Variants in UCN3 observed in about 807,000 individuals in gnomAD.
UCN3 encodes urocortin 3, also known as urocortin-3.
In UCN3, 3 loss-of-function variants were observed where a neutral mutation model predicts 3.6. That is an observed-to-expected ratio of 0.83 (90% confidence interval 0.38 to 2.15). The LOEUF (loss-of-function observed/expected upper bound fraction) is 2.15. UCN3 is among the 30% of genes most tolerant of loss of function. The pLI is 0.06. For synonymous variants in UCN3, 100 were observed against 93.2 expected (o/e 1.07, Z -0.42); for missense variants, 206 against 208.3 (o/e 0.99, Z 0.07).
chr10:5,368,612 C>G (rs901030697), intron 1 of UCN3, among the ~76,000 whole-genome samples: 1 of 152,098 alleles, frequency 6.6e-6, no homozygotes, highest in Non-Finnish European at 1.5e-5. Flanking sequence ...CCACCACTTT[C>G]CCCCCAGTAT....
intron 1 of UCN3, among the ~76,000 whole-genome samples, chr10:5,371,689 C>T (rs781972845): frequency 6.6e-6 from 1 of 152,176 alleles, no homozygotes; most frequent in Non-Finnish European, 1.5e-5. Context: ...CCAGCCCTGC[C>T]TGGCCCTGCT....
chr10:5,370,867 G>GTA (rs1157978595), intron 1 of UCN3, among the ~76,000 whole-genome samples: 2,446 of 89,524 alleles, frequency 0.027, 187 homozygotes, highest in South Asian at 0.052. Context: ...GTGTGCGTGT[G>GTA]TATGTGTGTG....
chr10:5,371,341 CAT>C (rs1417020324), intron 1 of UCN3, among the ~76,000 whole-genome samples: 1 of 150,574 alleles, frequency 6.6e-6, no homozygotes, highest in South Asian at 2.1e-4. Flanking sequence ...TGTATATGCA[CAT>C]GTGTGCATGT....
In UCN3 at chr10:5,370,281, A is replaced by G. The variant is rs372792342; in HGVS notation, c.-6-3434A>G. 3.6e-3 allele frequency among the ~76,000 whole-genome samples: 219 copies of G among 61,204 alleles called. 21 individuals carry two copies. The highest frequency in any genetic ancestry group is 4.8e-3 in the Non-Finnish European group (153 of 31,876). 40.2% of individuals were successfully genotyped at this position (61,204 alleles called of 152,430 possible). A position where few individuals can be genotyped will look rare whatever the true frequency, so the allele number is the denominator to read the frequency against. ...TATATGCGTGTGTATATGCGTGTGT[A>G]TATGCGTGTGTGTATGCGTGTGTAT... On this transcript the variant is annotated intron_variant, in intron 1 of 1. Coordinates refer to ENST00000380433, the MANE Select transcript of UCN3 (RefSeq NM_053049.4).
rs555063223 is a variant in UCN3 at position 5,371,023 on chromosome 10, G to A, written c.-6-2692G>A. Among the ~76,000 whole-genome samples the A allele has an allele frequency of 1.6e-3, 233 of 143,358 alleles. 6 individuals are homozygous for A. The highest frequency in any genetic ancestry group is 5.8e-3 in the African/African-American group (202 of 34,922). The allele number at this position is 143,358 out of a possible 152,430, so 94.0% of individuals were successfully genotyped here. On this transcript the variant is annotated intron_variant, in intron 1 of 1. Coordinates refer to ENST00000380433, the MANE Select transcript of UCN3 (RefSeq NM_053049.4). ...TGTGCATATGTGTGCATATATATACGTGTGTGCATGTGTCTATATGTATGT... is the reference window on the plus strand; with the variant it reads ...TGTGCATATGTGTGCATATATATACATGTGTGCATGTGTCTATATGTATGT...
chr10:5,369,328 TAAG>T (rs1192260967), intron 1 of UCN3, among the ~76,000 whole-genome samples: 4 of 152,214 alleles, frequency 2.6e-5, no homozygotes, highest in Admixed American at 6.5e-5. Context: ...GATCTTCTCC[TAAG>T]AAGACCTGGA....
chr10:5,365,648 C>A lies in UCN3; in HGVS notation c.-7+418C>A, dbSNP rs549947775. On this transcript the variant is annotated intron_variant, in intron 1 of 1. Transcript: ENST00000380433. This position sits in a 1 kb window ranked among gnomAD's most constrained non-coding sequence, Gnocchi z 4.4. The stretch of plus-strand genomic sequence containing the variant: ...TGACTCCACGCCGCCTGCAAAGCAG[C>A]GAGGACACCTGCACTTACTGTTTAC... 4.6e-5 allele frequency among the ~76,000 whole-genome samples: 7 copies of A among 152,308 alleles called. No individual in the cohort carries two copies. The East Asian group carries it at 1.3e-3, about 29-fold the overall frequency.
At position 5,367,078 on chromosome 10, in the gene UCN3, TAG is replaced by T. The variant is rs1834125148; in HGVS notation, c.-7+1851_-7+1852del. 6.6e-6 allele frequency among the ~76,000 whole-genome samples: 1 copy of T among 152,160 alleles called. No homozygotes were observed. Among genetic ancestry groups the T allele is most frequent in the South Asian group, 2.1e-4 (1 of 4,830 alleles). ...CCCCAAAAATGTGAAAAAGTAAATATAGAGGTAAAAGGGATCTCACTCCCTCT... is the reference window on the plus strand; with the variant it reads ...CCCCAAAAATGTGAAAAAGTAAATATAGGTAAAAGGGATCTCACTCCCTCT... On this transcript the variant is annotated intron_variant, in intron 1 of 1. Coordinates refer to ENST00000380433, the MANE Select transcript of UCN3 (RefSeq NM_053049.4). The surrounding 1 kb of genome is among the most constrained non-coding windows in gnomAD (Gnocchi z 4.3).
Position 5,370,223 on chromosome 10 carries a change from G to GTA in UCN3, c.-6-3491_-6-3490insAT, listed in dbSNP as rs1554811151. Among the ~76,000 whole-genome samples the GTA allele has an allele frequency of 5.1e-4, 7 of 13,766 alleles. 2 individuals carry two copies. Among genetic ancestry groups the GTA allele is most frequent in the Admixed American group, 9.7e-4 (1 of 1,032 alleles). 9.0% of individuals were successfully genotyped at this position (13,766 alleles called of 152,430 possible). On this transcript the variant is annotated intron_variant, in intron 1 of 1. Transcript: ENST00000380433. ...TATATGCGTGTGTATGTGTGTGTAT[G>GTA]TGCGTGTGTGTATGCGTGTGTGTAT... is the stretch of plus-strand genomic sequence containing the variant.
rs1180345396 is a variant in UCN3, at chr10:5,367,615, A to G, written c.-7+2385A>G. ...GAAAGGCTTGGCATATTTAGCAGAAATGGAGACACCAAAGAAATATAACAC... is the reference window on the plus strand; with the variant it reads ...GAAAGGCTTGGCATATTTAGCAGAAGTGGAGACACCAAAGAAATATAACAC... On this transcript the variant is annotated intron_variant, in intron 1 of 1. Coordinates refer to ENST00000380433, the MANE Select transcript of UCN3 (RefSeq NM_053049.4). This position sits in a 1 kb window ranked among gnomAD's most constrained non-coding sequence, Gnocchi z 4.3. Among the ~76,000 whole-genome samples the G allele has an allele frequency of 6.6e-6, 1 of 152,206 alleles. No individual in the cohort carries two copies. The highest frequency in any genetic ancestry group is 1.5e-5 in the Non-Finnish European group (1 of 68,028).
At chr10:5,368,052 G>A (rs568551882) in intron 1 of UCN3, among the ~76,000 whole-genome samples, 1 of 152,208 alleles carries the variant, frequency 6.6e-6, no homozygotes, top group South Asian at 2.1e-4. Context: ...CACCCAGGAT[G>A]GAGTGCAGTA....
intron 1 of UCN3, among the ~76,000 whole-genome samples, chr10:5,370,658 T>G (rs1238924622): frequency 9.8e-5 from 7 of 71,668 alleles, no homozygotes; most frequent in South Asian, 5.8e-4. Flanking sequence ...TGTGTGTATG[T>G]GTGTGTATGT....
chr10:5,371,303 ATATG>A (rs1291307437), intron 1 of UCN3, among the ~76,000 whole-genome samples: 15 of 150,160 alleles, frequency 1.0e-4, no homozygotes, highest in East Asian at 3.9e-4. Context: ...GCATGTGTCT[ATATG>A]TATGTGTATG....
At chr10:5,373,623 C>G in intron 1 of UCN3, 92 bp from the exon 2 acceptor site, 1 of 1,518,466 alleles carries the variant, frequency 6.6e-7, no homozygotes. Context: ...TGTAGTGGAA[C>G]ATTAACAACA....
chr10:5,370,861 GCGTGTGTA>G (rs1831406433), intron 1 of UCN3, among the ~76,000 whole-genome samples: 1 of 121,338 alleles, frequency 8.2e-6, no homozygotes, highest in Non-Finnish European at 1.7e-5. Context: ...GCGTGTGTGT[GCGTGTGTA>G]TGTGTGTGTA....
At chr10:5,368,086 C>G (rs1220808840) in intron 1 of UCN3, among the ~76,000 whole-genome samples, 1 of 152,152 alleles carries the variant, frequency 6.6e-6, no homozygotes, top group Non-Finnish European at 1.5e-5. Context: ...TCACTGCAAC[C>G]TCCACCTCCC....
rs548116098 is a variant in UCN3, at chr10:5,372,043, C to T, written c.-6-1672C>T. Among the ~76,000 whole-genome samples, 7 of 152,340 alleles carry T rather than the reference C, an allele frequency of 4.6e-5. No homozygotes were observed. In the South Asian group the frequency reaches 1.4e-3, roughly 32 times the overall value. On this transcript the variant is annotated intron_variant, in intron 1 of 1. Transcript: ENST00000380433. The stretch of plus-strand genomic sequence containing the variant: ...AGGCATGTCGGGGTGTGAGCGGGGC[C>T]CGCAGACGGCAGCCGTGCTTTCTCT...
At position 5,367,240 on chromosome 10, in the gene UCN3, G is replaced by A. The variant is rs1489296400; in HGVS notation, c.-7+2010G>A. On this transcript the variant is annotated intron_variant, in intron 1 of 1. Transcript: ENST00000380433. This position sits in a 1 kb window ranked among gnomAD's most constrained non-coding sequence, Gnocchi z 4.3. Reference sequence around the variant, plus strand: ...TGCAGAAAGTTACTTAGACGAGGCTGTTTCATGTTCAGAAGCCCTCATCTT... The same window carrying A: ...TGCAGAAAGTTACTTAGACGAGGCTATTTCATGTTCAGAAGCCCTCATCTT... Among the ~76,000 whole-genome samples the A allele has an allele frequency of 6.6e-6, 1 of 152,132 alleles. No individual in the cohort carries two copies. Among genetic ancestry groups the A allele is most frequent in the Non-Finnish European group, 1.5e-5 (1 of 68,020 alleles).
At chr10:5,369,319 A>T (rs1161405866) in intron 1 of UCN3, among the ~76,000 whole-genome samples, 1 of 152,162 alleles carries the variant, frequency 6.6e-6, no homozygotes, top group Non-Finnish European at 1.5e-5. Flanking sequence ...TGCAGACCAG[A>T]TCTTCTCCTA....
Sources: gnomAD v4.1 joint callset for allele counts (sites outside exome capture counted in the v4.1 genomes callset) on GRCh38, gnomAD v4.1.1 for gene constraint, Gnocchi (gnomAD v3.1) non-coding constraint, MANE v1.5 for transcripts, NCBI Gene and HGNC (gene_info 2026-07-23, HGNC 2026-07-21) for gene names.